The following POLR2B variants were observed in gnomAD, a reference collection of about 807,000 sequenced individuals.
POLR2B encodes DNA-directed RNA polymerase II subunit RPB2.
In POLR2B, 57 loss-of-function variants were observed where a neutral mutation model predicts 144.6. The ratio of observed to expected loss-of-function variants is 0.39; its 90% CI spans 0.32 to 0.49. POLR2B has a LOEUF of 0.49. Among genes scored for constraint, POLR2B ranks in the 20% least tolerant of loss-of-function variants. The probability of loss-of-function intolerance (pLI) is 0.83; values close to 1 mark genes in which losing one functional copy is unlikely to be tolerated. For synonymous variants in POLR2B, 442 were observed against 469.8 expected, an observed-to-expected ratio of 0.94 and a Z score of 0.77; for missense variants, 595 against 1,467.4, an observed-to-expected ratio of 0.41 and a Z score of 9.71.
intron 17 of POLR2B, 125 bp downstream of exon 17, chr4:57,021,120 G>A: frequency 1.5e-6 from 1 of 659,596 alleles, no homozygotes; most frequent in Non-Finnish European, 2.7e-6. Flanking sequence ...CTGGTTGATG[G>A]TCACAAACAG....
At chr4:57,008,356 C>T (rs1264941377) in intron 10 of POLR2B, among the ~76,000 whole-genome samples, 2 of 152,134 alleles carry the variant, frequency 1.3e-5, no homozygotes, top group Non-Finnish European at 2.9e-5. Context: ...GCGCCCGCCA[C>T]CACGCCTGGC....
intron 23 of POLR2B, among the ~76,000 whole-genome samples, chr4:57,027,659 C>G (rs1165816437): frequency 2.0e-5 from 3 of 152,144 alleles, no homozygotes; most frequent in African/African-American, 7.2e-5. Context: ...TGTAGTTTCT[C>G]AAAGGTTGGT....
chr4:57,007,508 G>A (rs898346485), intron 10 of POLR2B, among the ~76,000 whole-genome samples: 3 of 152,078 alleles, frequency 2.0e-5, no homozygotes, highest in African/African-American at 7.2e-5. Context: ...ATAGATTTTT[G>A]GCTTGCAGTT....
Position 57,023,265 on chromosome 4 carries a change from T to C in POLR2B, c.2516-65T>C. The C allele has an allele frequency of 6.5e-7, 1 of 1,544,516 alleles. No homozygotes were observed. The highest frequency in any genetic ancestry group is 8.9e-7 in the Non-Finnish European group (1 of 1,125,776). On this transcript the variant is annotated intron_variant, in intron 18 of 24. Transcript: ENST00000314595. This position sits in a 1 kb window ranked among gnomAD's most constrained non-coding sequence, Gnocchi z 4.3. ...GGCCTTCTCTCTGACTTGGAACTGA[T>C]TCATGTATGTGGTTTTTAATCTTTG...
chr4:56,997,468 G>A (rs1722724449), intron 6 of POLR2B, among the ~76,000 whole-genome samples: 1 of 152,168 alleles, frequency 6.6e-6, no homozygotes, highest in African/African-American at 2.4e-5. Flanking sequence ...TGTTGCCTAG[G>A]CTGGTCTCGA....
chr4:57,025,284 T>G (rs761380930), intron 22 of POLR2B, 93 bp from the exon 23 acceptor site: 13 of 930,504 alleles, frequency 1.4e-5, no homozygotes, highest in Admixed American at 2.0e-5. Context: ...TGCTTTAATT[T>G]TTATATAAAT....
chr4:56,981,897 G>T (rs1722166671), intron 1 of POLR2B, among the ~76,000 whole-genome samples: 1 of 152,200 alleles, frequency 6.6e-6, no homozygotes, highest in Non-Finnish European at 1.5e-5. Flanking sequence ...ATTGATAAAT[G>T]AGATGGATAT....
At chr4:57,015,388 T>C in intron 13 of POLR2B, 114 bp from the exon 14 acceptor site, 1 of 486,410 alleles carries the variant, frequency 2.1e-6, no homozygotes, top group Non-Finnish European at 3.5e-6. Flanking sequence ...CACATTTTAC[T>C]TGATAAATTG....
rs1239608194 is a variant in POLR2B, at chr4:57,007,018, A to G, written c.1404+16A>G. On this transcript the variant is annotated intron_variant, in intron 10 of 24. Coordinates refer to ENST00000314595, the MANE Select transcript of POLR2B (RefSeq NM_000938.3). ...AGTATCTCAGGTAAGTGTGCCAACT[A>G]TGACTACAGGCTCAATAGGAAACAT... The G allele has an allele frequency of 1.9e-6, 3 of 1,570,964 alleles. No homozygotes were observed. The highest frequency in any genetic ancestry group is 2.2e-5 in the South Asian group (2 of 89,440).
At position 56,999,706 on chromosome 4, in the gene POLR2B, A is replaced by T; in HGVS notation, c.825A>T (p.Ala275=). ...TTCCCATCATTATTGTGTTCAGAGCATTAGGTTTTGTGTCCGACAGAGATA... is the reference window on the plus strand; with the variant it reads ...TTCCCATCATTATTGTGTTCAGAGCTTTAGGTTTTGTGTCCGACAGAGATA... ...QEVPIIIVFR[A]LGFVSDRDIL... Residue 275 remains alanine (A), a synonymous_variant, in exon 7 of 25, where the codon GCA becomes GCT. Coordinates refer to ENST00000314595, the MANE Select transcript of POLR2B (RefSeq NM_000938.3). 1 of 1,610,832 alleles carries T rather than the reference A, an allele frequency of 6.2e-7. No individual in the cohort carries two copies.
chr4:57,025,023 A>G, intron 22 of POLR2B, 24 bp downstream of exon 22: 2 of 1,167,948 alleles, frequency 1.7e-6, no homozygotes, highest in Non-Finnish European at 2.5e-6. Context: ...TATAGTAGTA[A>G]TTTGCCACTT....
intron 18 of POLR2B, 87 bp downstream of exon 18, chr4:57,022,333 G>C: frequency 1.3e-6 from 1 of 777,238 alleles, no homozygotes; most frequent in East Asian, 2.6e-5. Flanking sequence ...GTGTCACCCT[G>C]TGCCTGCCCC....
chr4:57,016,541 A>G (rs1258258336), intron 14 of POLR2B, among the ~76,000 whole-genome samples: 2 of 151,884 alleles, frequency 1.3e-5, no homozygotes, highest in African/African-American at 4.8e-5. Context: ...AGTTTTTGTG[A>G]TATATTAAAA....
Position 56,992,492 on chromosome 4 carries a change from A to AAGG in POLR2B, c.243+1594_243+1595insAGG, listed in dbSNP as rs760090936. 6.8e-5 allele frequency among the ~76,000 whole-genome samples: 6 copies of AAGG among 88,480 alleles called. 3 individuals carry two copies. Among genetic ancestry groups the AAGG allele is most frequent in the African/African-American group, 9.2e-5 (2 of 21,764 alleles). 58.0% of individuals were successfully genotyped at this position (88,480 alleles called of 152,430 possible). On this transcript the variant is annotated intron_variant, in intron 3 of 24. Transcript: ENST00000314595. ...AAAAAAAAAAAAAAAAAAAAAAAAA[A>AAGG]GAAAAGAAAATACTTGGTGTATTTA...
intron 1 of POLR2B, chr4:56,985,370 G>A (rs903051609): frequency 1.0e-6 from 1 of 985,336 alleles, no homozygotes; most frequent in Non-Finnish European, 1.2e-6. Flanking sequence ...TGGTAGCCGC[G>A]AGGGACGGGC....
intron 6 of POLR2B, among the ~76,000 whole-genome samples, chr4:56,996,206 A>ATATGTGTGTGTG (rs71889513): frequency 2.0e-4 from 23 of 115,338 alleles, no homozygotes; most frequent in Admixed American, 3.2e-4. Context: ...ATTTCAGTTC[A>ATATGTGTGTGTG]TGTGTGTGTG....
intron 23 of POLR2B, among the ~76,000 whole-genome samples, chr4:57,027,962 T>C (rs1417770937): frequency 6.6e-6 from 1 of 152,198 alleles, no homozygotes; most frequent in African/African-American, 2.4e-5. Context: ...TTCCTAAAAT[T>C]CTGATTTTTG....
At chr4:57,009,729 G>A (rs1578578773) in intron 10 of POLR2B, 1 of 152,070 alleles carries the variant, frequency 6.6e-6, no homozygotes, top group African/African-American at 2.4e-5. Context: ...GCTTATCCAC[G>A]ACAGAAGACT....
At position 57,005,696 on chromosome 4, in the gene POLR2B, G is replaced by A. The variant is rs746456044; in HGVS notation, c.1194G>A (p.Pro398=). ...YGNKRLDLAG[P]LLAFLFRGMF... is the part of the protein sequence containing the mutation. The stretch of plus-strand genomic sequence containing the variant: ...ACAAGAGATTGGATCTTGCTGGGCC[G>A]CTGCTTGCATTCTTATTTAGAGGGT... Residue 398 remains proline, a synonymous_variant, in exon 9 of 25, where the codon CCG becomes CCA. Coordinates refer to ENST00000314595, the MANE Select transcript of POLR2B (RefSeq NM_000938.3). 19 of 1,611,392 alleles carry A rather than the reference G, an allele frequency of 1.2e-5. No individual in the cohort carries two copies. The highest frequency in any genetic ancestry group is 6.7e-5 in the Admixed American group (4 of 59,626).
Sources: gnomAD v4.1 joint callset for allele counts (sites outside exome capture counted in the v4.1 genomes callset) on GRCh38, gnomAD v4.1.1 for gene constraint, Gnocchi (gnomAD v3.1) non-coding constraint, MANE v1.5 for transcripts, NCBI Gene and HGNC (gene_info 2026-07-23, HGNC 2026-07-21) for gene names.